The following CSTPP1 variants were observed in gnomAD, a reference collection of about 807,000 sequenced individuals.
The protein encoded by CSTPP1 is UPF0705 protein C11orf49.
chr11:47,108,685 G>A, the CSTPP1 span, among the ~76,000 whole-genome samples: 1 of 148,928 alleles, frequency 6.7e-6, no homozygotes, highest in Admixed American at 6.8e-5. Flanking sequence ...ACAAGGGTGG[G>A]ACAGTTCAGT....
At chr11:47,046,554 C>A in the CSTPP1 span, among the ~76,000 whole-genome samples, 5 of 151,748 alleles carry the variant, frequency 3.3e-5, no homozygotes, top group African/African-American at 1.2e-4. Context: ...AGAAAGACAC[C>A]CTGAGTACAT....
the CSTPP1 span, among the ~76,000 whole-genome samples, chr11:47,131,022 T>A: frequency 6.6e-6 from 1 of 152,208 alleles, no homozygotes; most frequent in Non-Finnish European, 1.5e-5. Context: ...CATTTCATTA[T>A]CTTTAGCTCT....
the CSTPP1 span, among the ~76,000 whole-genome samples, chr11:47,066,034 A>G: frequency 6.8e-6 from 1 of 146,610 alleles, no homozygotes; most frequent in African/African-American, 2.5e-5. Context: ...ATATAAGATC[A>G]TATCATCTGT....
At chr11:47,004,300 C>T in the CSTPP1 span, 1 of 151,740 alleles carries the variant, frequency 6.6e-6, no homozygotes, top group Non-Finnish European at 1.5e-5. Context: ...CTCAGCTTCC[C>T]ATGTAGCCAT....
the CSTPP1 span, among the ~76,000 whole-genome samples, chr11:47,027,506 C>T: frequency 6.6e-6 from 1 of 152,136 alleles, no homozygotes; most frequent in Non-Finnish European, 1.5e-5. Flanking sequence ...TATTTCACGG[C>T]TATTTTAAGA....
At chr11:47,012,464 A>G in the CSTPP1 span, among the ~76,000 whole-genome samples, 2 of 152,188 alleles carry the variant, frequency 1.3e-5, no homozygotes, top group African/African-American at 4.8e-5. Flanking sequence ...AAAAAGGGAT[A>G]TTACAACCTG....
the CSTPP1 span, among the ~76,000 whole-genome samples, chr11:47,073,452 G>GC: frequency 6.6e-6 from 1 of 152,162 alleles, no homozygotes; most frequent in Non-Finnish European, 1.5e-5. Context: ...CGAGCACTTT[G>GC]GGGGGCCAGG....
At chr11:46,964,290 T>TC in the CSTPP1 span, among the ~76,000 whole-genome samples, 13 of 107,736 alleles carry the variant, frequency 1.2e-4, no homozygotes, top group African/African-American at 2.7e-4. Flanking sequence ...TCTCTCTCTC[T>TC]TTTTTTTTTT....
the CSTPP1 span, among the ~76,000 whole-genome samples, chr11:47,086,563 G>C: frequency 6.6e-6 from 1 of 152,006 alleles, no homozygotes; most frequent in East Asian, 1.9e-4. Flanking sequence ...GAAGGGAAGG[G>C]ACAGGAGGCG....
At chr11:47,008,697 T>A in the CSTPP1 span, among the ~76,000 whole-genome samples, 1 of 152,080 alleles carries the variant, frequency 6.6e-6, no homozygotes, top group Admixed American at 6.6e-5. Flanking sequence ...TCTGCTATGC[T>A]TATATTCATA....
the CSTPP1 span, among the ~76,000 whole-genome samples, chr11:47,035,590 G>C: frequency 6.6e-6 from 1 of 152,126 alleles, no homozygotes; most frequent in Admixed American, 6.5e-5. Context: ...ATACAGTTAT[G>C]ATTTAATACT....
the CSTPP1 span, among the ~76,000 whole-genome samples, chr11:47,095,746 TTTTA>T: frequency 6.6e-6 from 1 of 152,224 alleles, no homozygotes; most frequent in Admixed American, 6.5e-5. Flanking sequence ...TATTTGCCTA[TTTTA>T]TTTATTGCAG....
chr11:46,937,748 AG>A, the CSTPP1 span, among the ~76,000 whole-genome samples: 3 of 152,206 alleles, frequency 2.0e-5, no homozygotes, highest in African/African-American at 7.2e-5. Flanking sequence ...CGTGTTAACC[AG>A]GATGGTCTCG....
chr11:47,046,685 G>C, the CSTPP1 span, among the ~76,000 whole-genome samples: 1 of 9,374 alleles, frequency 1.1e-4, no homozygotes, highest in South Asian at 3.3e-3. Context: ...TTTTTTTTTT[G>C]AGACAGAGTC....
chr11:47,033,577 A>G, the CSTPP1 span, among the ~76,000 whole-genome samples: 8 of 152,248 alleles, frequency 5.3e-5, no homozygotes, highest in Admixed American at 4.6e-4. Context: ...TCTTTGCCAT[A>G]TCCACAATCT....
At chr11:47,094,143 C>T in the CSTPP1 span, among the ~76,000 whole-genome samples, 1 of 152,136 alleles carries the variant, frequency 6.6e-6, no homozygotes, top group Non-Finnish European at 1.5e-5. Context: ...ATAGAAAGAG[C>T]TGCTTGGGAG....
the CSTPP1 span, among the ~76,000 whole-genome samples, chr11:46,973,194 A>G: frequency 6.6e-6 from 1 of 152,196 alleles, no homozygotes; most frequent in African/African-American, 2.4e-5. Flanking sequence ...TACGTCTCTT[A>G]AGATTCTAAA....
the CSTPP1 span, among the ~76,000 whole-genome samples, chr11:46,977,045 T>G: frequency 1.3e-5 from 2 of 152,340 alleles, no homozygotes; most frequent in South Asian, 4.1e-4. Context: ...AGACCATATC[T>G]TATTAAGTGG....
the CSTPP1 span, among the ~76,000 whole-genome samples, chr11:47,089,551 G>A: frequency 3.9e-5 from 6 of 152,168 alleles, no homozygotes; most frequent in Admixed American, 1.3e-4. Flanking sequence ...TCAGGCTAGC[G>A]GCTGACATGG....
Sources: gnomAD v4.1 joint callset for allele counts (sites outside exome capture counted in the v4.1 genomes callset) on GRCh38, gnomAD v4.1.1 for gene constraint, MANE v1.5 for transcripts, NCBI Gene and HGNC (gene_info 2026-07-23, HGNC 2026-07-21) for gene names.